L3MBTL1: variants seen among roughly 807,000 people sequenced by gnomAD.
L3MBTL1 encodes the protein L3MBTL histone methyl-lysine binding protein 1, also known as lethal(3)malignant brain tumor-like protein 1.
L3MBTL1 carries 75 observed loss-of-function variants against 105.3 expected under a neutral mutation model. The observed-to-expected ratio is 0.71, with a 90% confidence interval of 0.59 to 0.86. The LOEUF (loss-of-function observed/expected upper bound fraction) is 0.86, where lower values mean the gene tolerates loss of function less well. Among genes scored for constraint, L3MBTL1 ranks in the 40% least tolerant of loss-of-function variants. The probability of loss-of-function intolerance (pLI) is 0.00; values close to 1 mark genes in which losing one functional copy is unlikely to be tolerated. For missense variants in L3MBTL1, 1,069 were observed against 1,126.4 expected, an observed-to-expected ratio of 0.95 and a Z score of 0.73; for synonymous variants, 452 against 436.2, an observed-to-expected ratio of 1.04 and a Z score of -0.45.
At chr20:43,542,207 C>A (rs1437492268), downstream of L3MBTL1, among the ~76,000 whole-genome samples, 1 of 152,192 alleles carries the variant, frequency 6.6e-6, no homozygotes, top group Non-Finnish European at 1.5e-5. Flanking sequence ...GAAACTCTGT[C>A]TCAAAAAACA....
chr20:43,547,271 A>AT (rs1466800366), intron 18 of L3MBTL1, among the ~76,000 whole-genome samples: 1 of 151,616 alleles, frequency 6.6e-6, no homozygotes, highest in East Asian at 1.9e-4. Flanking sequence ...CGCCCAGCTA[A>AT]TTTTTTGTAT....
chr20:43,526,217 G>A (rs932118053), intron 7 of L3MBTL1, among the ~76,000 whole-genome samples: 2 of 152,148 alleles, frequency 1.3e-5, no homozygotes, highest in Middle Eastern at 3.2e-3. Context: ...CTGATGTTAC[G>A]GTTTGGGAAG....
At chr20:43,546,852 G>A (rs567900823), downstream of L3MBTL1, among the ~76,000 whole-genome samples, 2 of 152,256 alleles carry the variant, frequency 1.3e-5, no homozygotes, top group South Asian at 4.1e-4. Context: ...GACATAACTT[G>A]CATCTCTAAA....
At chr20:43,513,680 C>T (rs1464820022) in intron 2 of L3MBTL1, 41 bp downstream of exon 2, 1 of 1,550,158 alleles carries the variant, frequency 6.5e-7, no homozygotes, top group South Asian at 1.2e-5. Context: ...GGAAGAGCAT[C>T]TCTGTACCTG....
At chr20:43,515,189 C>T (rs1568918255) in intron 5 of L3MBTL1, 30 bp downstream of exon 5, 1 of 1,614,094 alleles carries the variant, frequency 6.2e-7, no homozygotes, top group Non-Finnish European at 8.5e-7. Flanking sequence ...GCCCTACTTG[C>T]TCTACCTTCA....
intron 19 of L3MBTL1, among the ~76,000 whole-genome samples, chr20:43,538,743 C>T (rs1299228838): frequency 6.6e-6 from 1 of 152,228 alleles, no homozygotes; most frequent in Non-Finnish European, 1.5e-5. Flanking sequence ...CTGGCCTGTG[C>T]TCTTCCCTGT....
At chr20:43,548,099 G>C (rs114452327) in intron 18 of L3MBTL1, 6 of 1,180,478 alleles carry the variant, frequency 5.1e-6, no homozygotes, top group African/African-American at 1.9e-5. Context: ...CCTCCCTCCC[G>C]CAACCCCTCA....
rs1323235728 is a variant in L3MBTL1, at chr20:43,534,026, A to G, written c.1532A>G (p.Asn511Ser). The G allele has an allele frequency of 6.2e-7, 1 of 1,613,930 alleles. No individual in the cohort carries two copies. Among genetic ancestry groups the G allele is most frequent in the African/African-American group, 1.3e-5 (1 of 75,028 alleles). The stretch of plus-strand genomic sequence containing the variant: ...CCTCCAGACTACCCAGACCCTGATA[A>G]CTTCTGTTGGGAGAAATATCTGGAA... ...TPPQDYPDPD[N>S]FCWEKYLEET... Residue 511 changes from asparagine to serine, a missense_variant, in exon 14 of 22, where the codon AAC becomes AGC. Asn to Ser is a conservative substitution (Grantham distance 46). Coordinates refer to ENST00000418998, the MANE Select transcript of L3MBTL1 (RefSeq NM_001377303.1).
intron 7 of L3MBTL1, among the ~76,000 whole-genome samples, chr20:43,523,027 GAA>G (rs1172881806): frequency 4.0e-5 from 6 of 151,782 alleles, no homozygotes; most frequent in Non-Finnish European, 5.9e-5. Flanking sequence ...AGAATCACTT[GAA>G]CCTGGGAAAC....
rs2018250384 is a variant in L3MBTL1 at position 43,514,466 on chromosome 20, AG to A, written c.361-168del. 20 of 1,510,908 alleles carry A rather than the reference AG, an allele frequency of 1.3e-5. No homozygotes were observed. In the South Asian group the frequency reaches 2.5e-4, roughly 19 times the overall value. 93.6% of individuals were successfully genotyped at this position (1,510,908 alleles called of 1,614,324 possible). On this transcript the variant is annotated intron_variant, in intron 3 of 21. Transcript: ENST00000418998. ...GCAGGTGCTTGGGGGCGTAGCCTGGAGTGAGGGTTTGGCTGGTGTAGCTTGG... is the reference window on the plus strand; with the variant it reads ...GCAGGTGCTTGGGGGCGTAGCCTGGATGAGGGTTTGGCTGGTGTAGCTTGG...
chr20:43,531,286 A>G (rs900284028), intron 11 of L3MBTL1: 1 of 172,082 alleles, frequency 5.8e-6, no homozygotes, highest in Non-Finnish European at 1.2e-5. Context: ...CAACATTGAG[A>G]CTCTTCCATT....
intron 1 of L3MBTL1, among the ~76,000 whole-genome samples, chr20:43,508,192 C>T (rs1158739075): frequency 6.7e-6 from 1 of 148,392 alleles, no homozygotes; most frequent in African/African-American, 2.5e-5. Context: ...TTGTTTCTCT[C>T]TCTTTTTTTT....
intron 3 of L3MBTL1, chr20:43,514,370 G>C: frequency 7.4e-7 from 1 of 1,353,832 alleles, no homozygotes; most frequent in Non-Finnish European, 9.8e-7. Context: ...CTTAGAGTGG[G>C]GTACCGTGGG....
At chr20:43,534,156 A>G in intron 14 of L3MBTL1, 63 bp downstream of exon 14, 1 of 1,560,448 alleles carries the variant, frequency 6.4e-7, no homozygotes, top group South Asian at 1.1e-5. Context: ...TCAGCTAGCC[A>G]GGCTGGGGCC....
intron 19 of L3MBTL1, chr20:43,539,726 G>A (rs6017106): frequency 0.19 from 49,576 of 256,088 alleles, 5,390 homozygotes; most frequent in African/African-American, 0.29. Flanking sequence ...GTCGTGGCCC[G>A]GAAGGACTCA....
chr20:43,544,855 A>G (rs1978483742), downstream of L3MBTL1, among the ~76,000 whole-genome samples: 1 of 152,026 alleles, frequency 6.6e-6, no homozygotes, highest in Non-Finnish European at 1.5e-5. Context: ...TAGTCCAGCT[A>G]CTCGGGAGGC....
At chr20:43,514,165 C>A (rs1486923142) in intron 3 of L3MBTL1, 104 bp downstream of exon 3, 1 of 1,045,888 alleles carries the variant, frequency 9.6e-7, no homozygotes, top group Admixed American at 2.1e-5. Flanking sequence ...GAAGCTGGCT[C>A]AGATGATGGG....
At chr20:43,539,758 T>G in intron 19 of L3MBTL1, 1 of 302,592 alleles carries the variant, frequency 3.3e-6, no homozygotes, top group African/African-American at 2.2e-5. Context: ...GTAAACAGAG[T>G]GGACTTCTGA....
At chr20:43,537,637 C>T (rs184909808) in intron 19 of L3MBTL1, among the ~76,000 whole-genome samples, 83 of 152,280 alleles carry the variant, frequency 5.5e-4, no homozygotes, top group African/African-American at 1.9e-3. Flanking sequence ...TGGCTGAGCC[C>T]TCCCCTAGGT....
Sources: allele counts gnomAD v4.1 joint callset (sites outside exome capture counted in the v4.1 genomes callset), GRCh38; gene constraint gnomAD v4.1.1; transcripts MANE v1.5; gene names NCBI Gene and HGNC (gene_info 2026-07-23, HGNC 2026-07-21).